The following KLF12 variants were observed in gnomAD, a reference collection of about 807,000 sequenced individuals.
KLF12 encodes KLF transcription factor 12, also known as Krueppel-like factor 12.
KLF12 carries 9 observed loss-of-function variants against 37.8 expected under a neutral mutation model. That is an observed-to-expected ratio of 0.24 (90% CI 0.14 to 0.42). KLF12 has a LOEUF of 0.42. KLF12 is among the 10% of genes least tolerant of loss of function. The probability of loss-of-function intolerance (pLI) is 1.00; values close to 1 mark genes in which losing one functional copy is unlikely to be tolerated. For missense variants in KLF12, 411 were observed against 516.0 expected, an observed-to-expected ratio of 0.80 and a Z score of 1.97; for synonymous variants, 208 against 202.1, an observed-to-expected ratio of 1.03 and a Z score of -0.25.
At chr13:73,815,477 T>C (rs755881635) in intron 4 of KLF12, among the ~76,000 whole-genome samples, 1 of 152,196 alleles carries the variant, frequency 6.6e-6, no homozygotes, top group African/African-American at 2.4e-5. Context: ...TGTGTAATAA[T>C]ATGAATTCAG....
intron 1 of KLF12, among the ~76,000 whole-genome samples, chr13:74,028,279 C>G (rs140287381): frequency 6.6e-6 from 1 of 152,240 alleles, no homozygotes; most frequent in Admixed American, 6.5e-5. Flanking sequence ...TAATTTATTA[C>G]GAGGAAATAG....
chr13:73,943,960 T>C, intron 3 of KLF12, 21 bp downstream of exon 3: 1 of 1,501,610 alleles, frequency 6.7e-7, no homozygotes, highest in South Asian at 1.1e-5. Flanking sequence ...GAGTGGGGCA[T>C]TGCTGGAAAC....
At chr13:73,774,808 G>A (rs6562784) in intron 5 of KLF12, among the ~76,000 whole-genome samples, 138,052 of 152,176 alleles carry the variant, frequency 0.91, 62,717 homozygotes, top group East Asian at 1. Flanking sequence ...TTTGTGATAG[G>A]GTTTTTCATT....
intron 5 of KLF12, among the ~76,000 whole-genome samples, chr13:73,793,151 T>C (rs570812995): frequency 1.3e-5 from 2 of 152,290 alleles, no homozygotes; most frequent in South Asian, 4.1e-4. Context: ...TCTCTTGAGG[T>C]TTTATTACAT....
intron 4 of KLF12, among the ~76,000 whole-genome samples, chr13:73,841,203 C>CGGAA (rs1566408496): frequency 6.6e-6 from 1 of 152,094 alleles, no homozygotes; most frequent in Non-Finnish European, 1.5e-5. Context: ...CACTGCATAT[C>CGGAA]GGAAGGAAGG....
intron 1 of KLF12, among the ~76,000 whole-genome samples, chr13:74,059,400 A>C (rs1297105213): frequency 6.6e-6 from 1 of 152,256 alleles, no homozygotes. Flanking sequence ...TCCCACGAGC[A>C]GTATACATGC....
chr13:73,856,123 G>C (rs1361377322), intron 3 of KLF12, among the ~76,000 whole-genome samples: 1 of 152,206 alleles, frequency 6.6e-6, no homozygotes, highest in Non-Finnish European at 1.5e-5. Flanking sequence ...GGTCAAGACA[G>C]CAGCATAAGC....
At chr13:74,055,021 T>C (rs763776016) in intron 1 of KLF12, among the ~76,000 whole-genome samples, 2 of 152,124 alleles carry the variant, frequency 1.3e-5, no homozygotes, top group Non-Finnish European at 2.9e-5. Flanking sequence ...GAAATTACAA[T>C]AACAGGGCAA....
At chr13:74,238,151 G>A in the KLF12 span, among the ~76,000 whole-genome samples, 2 of 132,242 alleles carry the variant, frequency 1.5e-5, 1 homozygote, top group Admixed American at 1.4e-4. Flanking sequence ...TAGCATGAAG[G>A]GTTGTTGAAT....
At chr13:74,247,706 A>G in the KLF12 span, among the ~76,000 whole-genome samples, 1 of 152,072 alleles carries the variant, frequency 6.6e-6, no homozygotes, top group Non-Finnish European at 1.5e-5. Flanking sequence ...TCCTACCTTC[A>G]AGCAATCCTC....
At chr13:73,856,541 C>T (rs946820968) in intron 3 of KLF12, among the ~76,000 whole-genome samples, 4 of 152,064 alleles carry the variant, frequency 2.6e-5, no homozygotes, top group South Asian at 2.1e-4. Flanking sequence ...CCTCCATACA[C>T]GCACCCAGCC....
chr13:73,916,217 A>C (rs9543484), intron 3 of KLF12, among the ~76,000 whole-genome samples: 497 of 35,288 alleles, frequency 0.014, 3 homozygotes, highest in African/African-American at 0.037. Context: ...TTACACACAC[A>C]CACACACACA....
intron 3 of KLF12, among the ~76,000 whole-genome samples, chr13:73,933,155 T>C (rs1432354084): frequency 2.6e-5 from 4 of 152,168 alleles, no homozygotes. Flanking sequence ...AACTATTATG[T>C]TCTCTTAATG....
chr13:74,157,826 C>G, the KLF12 span, among the ~76,000 whole-genome samples: 1 of 152,130 alleles, frequency 6.6e-6, no homozygotes, highest in African/African-American at 2.4e-5. Context: ...TTAATTGGGA[C>G]CAGATACCTG....
rs150128812 is a variant in KLF12, at chr13:73,859,607, T to C, written c.124-13234A>G. ...CAATATACCTTGCATATAATAAATT[T>C]AATGGCATGATGCAGATGTCAGTTA... On this transcript the variant is annotated intron_variant, in intron 3 of 7. Transcript: ENST00000377669. Among the ~76,000 whole-genome samples, 5 of 152,286 alleles carry C rather than the reference T, an allele frequency of 3.3e-5. No homozygotes were observed. The East Asian group carries it at 9.7e-4, about 29-fold the overall frequency.
At chr13:73,927,821 C>T (rs1889469483) in intron 3 of KLF12, among the ~76,000 whole-genome samples, 1 of 150,116 alleles carries the variant, frequency 6.7e-6, no homozygotes, top group Non-Finnish European at 1.5e-5. Context: ...ATCTCCTGAC[C>T]TCGTGATCCG....
chr13:73,731,536 C>CAAAA (rs66701744), intron 6 of KLF12, among the ~76,000 whole-genome samples: 64,095 of 102,958 alleles, frequency 0.62, 20,822 homozygotes, highest in East Asian at 0.68. Flanking sequence ...GGAAATTAGA[C>CAAAA]AAAAAAAAAA....
intron 1 of KLF12, among the ~76,000 whole-genome samples, chr13:74,019,831 A>G (rs939288181): frequency 1.3e-5 from 2 of 152,244 alleles, no homozygotes; most frequent in Non-Finnish European, 2.9e-5. Context: ...ACTCAAGTCC[A>G]TGGTCCCCGT....
At chr13:74,234,138 G>A in the KLF12 span, among the ~76,000 whole-genome samples, 3 of 152,036 alleles carry the variant, frequency 2.0e-5, no homozygotes, top group Non-Finnish European at 4.4e-5. Flanking sequence ...CAATTTTTTG[G>A]TAAACATAAA....
Sources: gnomAD v4.1 joint callset for allele counts (sites outside exome capture counted in the v4.1 genomes callset) on GRCh38, gnomAD v4.1.1 for gene constraint, MANE v1.5 for transcripts, NCBI Gene and HGNC (gene_info 2026-07-23, HGNC 2026-07-21) for gene names.